The following FNTA variants were observed in gnomAD, a reference collection of about 807,000 sequenced individuals.
The protein encoded by FNTA is farnesyltransferase, CAAX box, subunit alpha, also known as protein farnesyltransferase/geranylgeranyltransferase type-1 subunit alpha.
FNTA carries 27 observed loss-of-function variants against 55.2 expected under a neutral mutation model. That is an observed-to-expected ratio of 0.49 (90% CI 0.36 to 0.67). FNTA has a LOEUF of 0.67. Ranked by LOEUF, FNTA falls within the 30% of genes least tolerant of loss-of-function variation. The pLI, the probability that FNTA is intolerant of heterozygous loss-of-function variation, is 0.00. For missense variants in FNTA, 422 were observed against 464.7 expected (o/e 0.91, Z 0.85); for synonymous variants, 176 against 170.7 (o/e 1.03, Z -0.24).
At chr8:43,062,971 C>G (rs905323770) in intron 2 of FNTA, among the ~76,000 whole-genome samples, 2 of 152,116 alleles carry the variant, frequency 1.3e-5, no homozygotes. Context: ...TTTTCAGAGA[C>G]AGGCTCTCAC....
intron 4 of FNTA, among the ~76,000 whole-genome samples, chr8:43,069,905 A>C (rs1810748585): frequency 6.6e-6 from 1 of 151,776 alleles, no homozygotes; most frequent in Non-Finnish European, 1.5e-5. Flanking sequence ...CAGCCTCCCA[A>C]AGTGCAGGGA....
chr8:43,069,124 TG>T, intron 3 of FNTA, among the ~76,000 whole-genome samples: 1 of 152,100 alleles, frequency 6.6e-6, no homozygotes, highest in East Asian at 1.9e-4. Flanking sequence ...ATTTTTTTTT[TG>T]GGTGGGGGTG....
chr8:43,064,927 C>G (rs1810618909), intron 3 of FNTA, among the ~76,000 whole-genome samples: 1 of 151,030 alleles, frequency 6.6e-6, no homozygotes, highest in Non-Finnish European at 1.5e-5. Context: ...ACCTCTGCCT[C>G]CAGGGTTCAA....
intron 6 of FNTA, 55 bp downstream of exon 6, chr8:43,077,419 A>G (rs1344328282): frequency 3.5e-6 from 5 of 1,443,416 alleles, no homozygotes; most frequent in African/African-American, 1.4e-5. Flanking sequence ...CATGCCTACC[A>G]TATCTCAGGC....
chr8:43,077,078 C>A (rs1037499833), intron 5 of FNTA, 138 bp from the exon 6 acceptor site: 99 of 500,912 alleles, frequency 2.0e-4, no homozygotes, highest in African/African-American at 1.8e-3. Flanking sequence ...CCTTTACTTG[C>A]AGCTATCACT....
chr8:43,074,933 T>C (rs937122562), intron 5 of FNTA, among the ~76,000 whole-genome samples: 2 of 152,176 alleles, frequency 1.3e-5, no homozygotes, highest in African/African-American at 4.8e-5. Context: ...ATGTAAGATC[T>C]GAATAAGGTG....
rs367921440 is a variant in FNTA at position 43,063,086 on chromosome 8, C to A, written c.287-1015C>A. On this transcript the variant is annotated intron_variant, in intron 2 of 8. Transcript: ENST00000302279. ...GTGCAAACCACCATACCTGGCAGTT[C>A]CTTTTTTTTTTTTTTTTTTGAGACA... 5.9e-3 allele frequency among the ~76,000 whole-genome samples: 866 copies of A among 146,872 alleles called. 14 individuals carry two copies. Among genetic ancestry groups the A allele is most frequent in the African/African-American group, 0.021 (827 of 39,796 alleles).
intron 3 of FNTA, among the ~76,000 whole-genome samples, chr8:43,067,010 G>A (rs952280492): frequency 6.6e-6 from 1 of 152,164 alleles, no homozygotes; most frequent in Non-Finnish European, 1.5e-5. Context: ...ATCTTATCCT[G>A]TTGTAATTTG....
At chr8:43,077,172 T>G (rs1357698258) in intron 5 of FNTA, 44 bp from the exon 6 acceptor site, 1 of 1,355,378 alleles carries the variant, frequency 7.4e-7, no homozygotes, top group Non-Finnish European at 1.0e-6. Flanking sequence ...TCATAAATAA[T>G]GGGACATTTC....
At chr8:43,068,982 G>T (rs1810724063) in intron 3 of FNTA, among the ~76,000 whole-genome samples, 2 of 152,126 alleles carry the variant, frequency 1.3e-5, no homozygotes, top group African/African-American at 4.8e-5. Flanking sequence ...AAAGTGCTGG[G>T]GTTACAGGCG....
At chr8:43,077,181 T>C in intron 5 of FNTA, 35 bp from the exon 6 acceptor site, 1 of 1,483,586 alleles carries the variant, frequency 6.7e-7, no homozygotes, top group East Asian at 2.3e-5. Context: ...ATGGGACATT[T>C]CTAATTGGAT....
chr8:43,060,061 A>G (rs1810495904), intron 2 of FNTA, among the ~76,000 whole-genome samples: 1 of 152,238 alleles, frequency 6.6e-6, no homozygotes, highest in African/African-American at 2.4e-5. Context: ...ACTTAGATAA[A>G]AGCAGAGTTG....
chr8:43,083,006 A>G (rs1811054549), intron 6 of FNTA, 112 bp from the exon 7 acceptor site: 2 of 584,382 alleles, frequency 3.4e-6, no homozygotes. Context: ...AGATTGTGCC[A>G]CTGCACTCCA....
chr8:43,084,075 A>G (rs1236937837), intron 7 of FNTA, among the ~76,000 whole-genome samples: 4 of 151,976 alleles, frequency 2.6e-5, no homozygotes, highest in African/African-American at 9.7e-5. Flanking sequence ...TCTCAAAGAA[A>G]AAAAAAAAAG....
At chr8:43,079,649 A>G (rs903590242) in intron 6 of FNTA, 1 of 152,284 alleles carries the variant, frequency 6.6e-6, no homozygotes, top group South Asian at 2.1e-4. Context: ...TCTGCAGCCC[A>G]TGGATAAAGG....
intron 8 of FNTA, 123 bp from the exon 9 acceptor site, chr8:43,085,037 G>A: frequency 8.9e-7 from 1 of 1,122,928 alleles, no homozygotes; most frequent in Non-Finnish European, 1.3e-6. Context: ...TGGCAACACA[G>A]CCGGTGACTC....
chr8:43,063,270 G>C (rs187889583), intron 2 of FNTA: 1 of 455,746 alleles, frequency 2.2e-6, no homozygotes, highest in Non-Finnish European at 4.4e-6. Context: ...TTGTAGAGGC[G>C]GAGTTTCCCT....
intron 2 of FNTA, among the ~76,000 whole-genome samples, chr8:43,062,799 A>G (rs1471915939): frequency 6.6e-6 from 1 of 152,232 alleles, no homozygotes. Context: ...CTACAATTTA[A>G]TTCAGTTCTG....
In FNTA at chr8:43,084,723, C is replaced by T. The variant is rs369359760; in HGVS notation, c.859C>T (p.Arg287Cys). 53 of 1,607,588 alleles carry T rather than the reference C, an allele frequency of 3.3e-5. No individual in the cohort carries two copies. The highest frequency in any genetic ancestry group is 2.5e-4 in the South Asian group (23 of 90,266). Reference protein sequence around the residue: ...WNYLKGILQDRGLSKYPNLLN... With the variant: ...WNYLKGILQDCGLSKYPNLLN... ...TGTTGTTTACAGGATTTTGCAGGAT[C>T]GTGGTCTTTCCAAATATCCTAATCT... The change falls in exon 8 of 9, where the codon CGT (arginine) becomes TGT (cysteine). Residue 287 changes from arginine (R) to cysteine (C), a missense_variant. Arg to Cys is a radical substitution (Grantham distance 180). Around this residue, in one of 2 missense-constraint regions of FNTA, gnomAD observed 262 missense variants for 343.1 expected, o/e 0.76. Coordinates refer to ENST00000302279, the MANE Select transcript of FNTA (RefSeq NM_002027.3).
Sources: gnomAD v4.1 joint callset for allele counts (sites outside exome capture counted in the v4.1 genomes callset) on GRCh38, gnomAD v4.1.1 for gene constraint, gnomAD v4.1.1 regional missense constraint, MANE v1.5 for transcripts, NCBI Gene and HGNC (gene_info 2026-07-23, HGNC 2026-07-21) for gene names.